Variants in ARHGEF3 observed in about 807,000 individuals in gnomAD.
ARHGEF3 encodes the protein Rho guanine nucleotide exchange factor 3.
In ARHGEF3, 28 loss-of-function variants were observed where a neutral mutation model predicts 63.2. The observed-to-expected ratio is 0.44, with a 90% CI of 0.33 to 0.61. The LOEUF (loss-of-function observed/expected upper bound fraction) is 0.61, where lower values mean the gene tolerates loss of function less well. Ranked by LOEUF, ARHGEF3 falls within the 20% of genes least tolerant of loss-of-function variation. The pLI is 0.03. For missense variants in ARHGEF3, 533 were observed against 659.3 expected (o/e 0.81, Z 2.10); for synonymous variants, 266 against 254.2 (o/e 1.05, Z -0.44).
intron 1 of ARHGEF3, among the ~76,000 whole-genome samples, chr3:56,799,511 A>C (rs1219995362): frequency 6.6e-6 from 1 of 152,264 alleles, no homozygotes; most frequent in Non-Finnish European, 1.5e-5. Flanking sequence ...CTCTTAAAAA[A>C]ATACTTTCAG....
At chr3:56,993,050 G>T (rs1448931404) in intron 2 of ARHGEF3, among the ~76,000 whole-genome samples, 1 of 152,122 alleles carries the variant, frequency 6.6e-6, no homozygotes, top group Non-Finnish European at 1.5e-5. Flanking sequence ...GGCCAGTCTG[G>T]CCTCGAATTC....
Position 57,032,201 on chromosome 3 carries a change from G to A in ARHGEF3, c.62+2887C>T, listed in dbSNP as rs143121236. Among the ~76,000 whole-genome samples, 230 of 152,280 alleles carry A rather than the reference G, an allele frequency of 1.5e-3. 1 individual carries two copies. The highest frequency in any genetic ancestry group is 6.8e-3 in the Middle Eastern group (2 of 294). On this transcript the variant is annotated intron_variant, in intron 2 of 12. Transcript: ENST00000338458. ...GCTCAACTTGTAAAACCCCTTTGCA[G>A]AGAAACATTTTGGATGGGCATGGGT... is the stretch of plus-strand genomic sequence containing the variant.
chr3:56,881,616 T>C (rs1372662218), intron 4 of ARHGEF3, among the ~76,000 whole-genome samples: 2 of 152,152 alleles, frequency 1.3e-5, no homozygotes, highest in African/African-American at 2.4e-5. Flanking sequence ...ACCAAGACAC[T>C]TGAGCATCTT....
At chr3:57,008,660 C>T (rs369376884) in intron 2 of ARHGEF3, among the ~76,000 whole-genome samples, 115 of 152,138 alleles carry the variant, frequency 7.6e-4, no homozygotes, top group African/African-American at 2.1e-3. Context: ...TTAGTAGAGA[C>T]GGGGTTTCTC....
At chr3:56,940,344 G>C (rs1645409206) in intron 3 of ARHGEF3, among the ~76,000 whole-genome samples, 1 of 151,910 alleles carries the variant, frequency 6.6e-6, no homozygotes, top group Non-Finnish European at 1.5e-5. Context: ...CATAACTCTG[G>C]AACCAAAAAG....
chr3:57,075,806 T>A (rs1706191871), intron 1 of ARHGEF3, among the ~76,000 whole-genome samples: 1 of 152,100 alleles, frequency 6.6e-6, no homozygotes, highest in Non-Finnish European at 1.5e-5. Context: ...CAAGACCCTA[T>A]CTCTAAAAAA....
intron 3 of ARHGEF3, among the ~76,000 whole-genome samples, chr3:56,897,181 C>T (rs928754609): frequency 2.0e-5 from 3 of 152,070 alleles, no homozygotes; most frequent in African/African-American, 7.3e-5. Flanking sequence ...GGTTATGATC[C>T]GTTACTATCA....
Position 56,773,792 on chromosome 3 carries a change from G to A in ARHGEF3, c.121C>T (p.Pro41Ser), listed in dbSNP as rs558978343. 31 of 1,600,838 alleles carry A rather than the reference G, an allele frequency of 1.9e-5. No homozygotes were observed. In the Admixed American group the frequency reaches 3.2e-4, roughly 17 times the overall value. The change falls in exon 2 of 10, where the codon CCC becomes TCC. Residue 41 changes from proline to serine, a missense_variant. Pro to Ser is a moderately conservative substitution (Grantham distance 74, BLOSUM62 -1). Around this residue, in one of 4 missense-constraint regions of ARHGEF3, gnomAD observed 160 missense variants for 157.3 expected, o/e 1.02. Coordinates refer to ENST00000296315, the MANE Select transcript of ARHGEF3 (RefSeq NM_019555.3). ...AEEPSNKRVK[P>S]LSRVTSLANL... is the part of the protein sequence containing the mutation. ...GCTAGCGACGTGACTCGGGAAAGGG[G>A]TTTGACCCGTTTATTACTAGGCTCC...
At chr3:57,002,068 C>T (rs567465924) in intron 2 of ARHGEF3, among the ~76,000 whole-genome samples, 12 of 151,886 alleles carry the variant, frequency 7.9e-5, no homozygotes, top group African/African-American at 2.7e-4. Context: ...GGACTACAGG[C>T]GCCCACCACC....
At chr3:56,860,479 C>T (rs367886016) in intron 4 of ARHGEF3, among the ~76,000 whole-genome samples, 47 of 152,178 alleles carry the variant, frequency 3.1e-4, no homozygotes, top group African/African-American at 1.1e-3. Context: ...GTTTAAATAA[C>T]AGATATGGTG....
At chr3:56,814,643 G>A (rs77534763) in intron 4 of ARHGEF3, among the ~76,000 whole-genome samples, 4 of 151,092 alleles carry the variant, frequency 2.6e-5, no homozygotes, top group South Asian at 2.1e-4. Context: ...TAACCCTTCC[G>A]GTAAATAAAT....
rs573711683 is a variant in ARHGEF3, at chr3:56,776,819, G to A, written c.97-3003C>T. Among the ~76,000 whole-genome samples, 5 of 152,210 alleles carry A rather than the reference G, an allele frequency of 3.3e-5. 1 individual carries two copies. The South Asian group carries it at 1.0e-3, about 32-fold the overall frequency. On this transcript the variant is annotated intron_variant, in intron 1 of 9. Transcript: ENST00000296315. ...TCAGCTGCCAGACCAAGCTGGGCAA[G>A]GTCAATGCTAAACCCAGGAACCAAG...
chr3:56,977,268 C>T, intron 2 of ARHGEF3: 1 of 456,686 alleles, frequency 2.2e-6, no homozygotes. Flanking sequence ...CAGCTACGTG[C>T]TACTTACCAA....
At chr3:56,821,040 G>A (rs188036239) in intron 4 of ARHGEF3, among the ~76,000 whole-genome samples, 23 of 151,980 alleles carry the variant, frequency 1.5e-4, no homozygotes, top group East Asian at 9.7e-4. Flanking sequence ...GTGCATGCCT[G>A]TAATCCCAGC....
chr3:56,928,467 C>G (rs572132058), intron 3 of ARHGEF3, among the ~76,000 whole-genome samples: 50 of 152,300 alleles, frequency 3.3e-4, no homozygotes, highest in Admixed American at 1.0e-3. Flanking sequence ...TCCTCTCCCC[C>G]TCATTACCTC....
intron 3 of ARHGEF3, among the ~76,000 whole-genome samples, chr3:56,948,001 A>C (rs1053308288): frequency 6.6e-6 from 1 of 152,230 alleles, no homozygotes; most frequent in African/African-American, 2.4e-5. Context: ...ACTACATGGA[A>C]ACTGAACAAC....
At chr3:56,921,015 AC>A (rs200080269) in intron 3 of ARHGEF3, among the ~76,000 whole-genome samples, 12,104 of 141,384 alleles carry the variant, frequency 0.086, 722 homozygotes, top group East Asian at 0.24. Flanking sequence ...AGATTGCACC[AC>A]TGCACTCCAG....
At chr3:56,953,679 G>A (rs1408762859) in intron 3 of ARHGEF3, among the ~76,000 whole-genome samples, 1 of 152,088 alleles carries the variant, frequency 6.6e-6, no homozygotes, top group African/African-American at 2.4e-5. Context: ...ATAGCTATGT[G>A]ACCCAAGCCC....
chr3:56,936,968 C>T (rs1698937983), intron 3 of ARHGEF3, among the ~76,000 whole-genome samples: 1 of 152,210 alleles, frequency 6.6e-6, no homozygotes, highest in Non-Finnish European at 1.5e-5. Context: ...ATCCACCCGC[C>T]TTGACCTCCC....
Sources: gnomAD v4.1 joint callset for allele counts (sites outside exome capture counted in the v4.1 genomes callset) on GRCh38, gnomAD v4.1.1 for gene constraint, gnomAD v4.1.1 regional missense constraint, MANE v1.5 for transcripts, NCBI Gene and HGNC (gene_info 2026-07-23, HGNC 2026-07-21) for gene names.